B3GLCT: variants seen among roughly 807,000 people sequenced by gnomAD.
B3GLCT encodes beta 3-glucosyltransferase.
In B3GLCT, 65 loss-of-function variants were observed where a neutral mutation model predicts 63.4. The observed-to-expected ratio is 1.03, with a 90% CI of 0.84 to 1.26. The LOEUF (loss-of-function observed/expected upper bound fraction) is 1.26. B3GLCT is among the 50% of genes most tolerant of loss of function. B3GLCT has a pLI of 0.00. For missense variants in B3GLCT, 577 were observed against 604.8 expected, an observed-to-expected ratio of 0.95 and a Z score of 0.48; for synonymous variants, 233 against 219.2, an observed-to-expected ratio of 1.06 and a Z score of -0.55.
chr13:31,292,137 AC>A (rs1873692205), intron 12 of B3GLCT, among the ~76,000 whole-genome samples: 2 of 152,094 alleles, frequency 1.3e-5, no homozygotes, highest in Admixed American at 1.3e-4. Flanking sequence ...CATGTGTTGA[AC>A]CCGTCCTGCA....
chr13:31,319,255 T>G (rs1875208782), intron 13 of B3GLCT, among the ~76,000 whole-genome samples: 1 of 152,206 alleles, frequency 6.6e-6, no homozygotes, highest in South Asian at 2.1e-4. Flanking sequence ...CCCTGGGTAC[T>G]TCCCACCACC....
intron 6 of B3GLCT, among the ~76,000 whole-genome samples, chr13:31,255,339 A>G (rs929457169): frequency 1.3e-4 from 20 of 152,210 alleles, no homozygotes; most frequent in African/African-American, 4.8e-4. Context: ...ATGCTCATGG[A>G]TAGGAAGAAT....
intron 8 of B3GLCT, among the ~76,000 whole-genome samples, chr13:31,270,670 C>A (rs570573859): frequency 6.6e-6 from 1 of 152,208 alleles, no homozygotes; most frequent in African/African-American, 2.4e-5. Context: ...TCCGTCTCCC[C>A]ACACTAAACT....
At chr13:31,234,399 G>T (rs543952671) in intron 4 of B3GLCT, among the ~76,000 whole-genome samples, 1 of 152,190 alleles carries the variant, frequency 6.6e-6, no homozygotes, top group African/African-American at 2.4e-5. Flanking sequence ...CTACCATGGT[G>T]AAGTGGGGCA....
chr13:31,301,473 C>T (rs535874464), intron 12 of B3GLCT, among the ~76,000 whole-genome samples: 4 of 152,330 alleles, frequency 2.6e-5, no homozygotes, highest in African/African-American at 9.6e-5. Context: ...TCCCATAATG[C>T]AGTCAGGTAA....
intron 1 of B3GLCT, among the ~76,000 whole-genome samples, chr13:31,207,115 T>C (rs1869000039): frequency 6.6e-6 from 1 of 152,182 alleles, no homozygotes; most frequent in South Asian, 2.1e-4. Flanking sequence ...TGTATGTCTG[T>C]TTATCCATCT....
At chr13:31,223,358 CA>C (rs1869921108) in intron 3 of B3GLCT, among the ~76,000 whole-genome samples, 1 of 152,138 alleles carries the variant, frequency 6.6e-6, no homozygotes. Context: ...TGTGGGAGAA[CA>C]GAACAAGCTG....
At chr13:31,317,774 C>T (rs1046914989) in intron 13 of B3GLCT, 89 bp downstream of exon 13, 2 of 1,512,658 alleles carry the variant, frequency 1.3e-6, no homozygotes, top group Non-Finnish European at 1.8e-6. Flanking sequence ...GGGATCTATA[C>T]TGTACGTGAG....
intron 1 of B3GLCT, among the ~76,000 whole-genome samples, chr13:31,210,945 A>G (rs1450835509): frequency 6.6e-6 from 1 of 151,770 alleles, no homozygotes; most frequent in African/African-American, 2.4e-5. Context: ...TTTTGGAGAG[A>G]TGGGGTCCCA....
intron 4 of B3GLCT, among the ~76,000 whole-genome samples, chr13:31,241,846 G>T (rs910910944): frequency 2.6e-5 from 4 of 152,156 alleles, no homozygotes; most frequent in Admixed American, 1.3e-4. Flanking sequence ...CAGCTAAGAT[G>T]ATGAGTTCAT....
chr13:31,299,276 C>G (rs1351490974), intron 12 of B3GLCT, among the ~76,000 whole-genome samples: 2 of 152,208 alleles, frequency 1.3e-5, no homozygotes, highest in Non-Finnish European at 2.9e-5. Flanking sequence ...AACTATGACT[C>G]TGAGGAGACT....
chr13:31,278,777 G>C (rs1015939126), intron 10 of B3GLCT, among the ~76,000 whole-genome samples: 1 of 152,120 alleles, frequency 6.6e-6, no homozygotes, highest in African/African-American at 2.4e-5. Flanking sequence ...CACACTAACT[G>C]CTTCTAACTG....
At chr13:31,235,370 A>G (rs1870596030) in intron 4 of B3GLCT, among the ~76,000 whole-genome samples, 1 of 152,112 alleles carries the variant, frequency 6.6e-6, no homozygotes. Flanking sequence ...AGTGGCTAGA[A>G]GCTTGAAGGT....
At chr13:31,266,220 G>C (rs558881344) in intron 7 of B3GLCT, among the ~76,000 whole-genome samples, 2 of 151,914 alleles carry the variant, frequency 1.3e-5, no homozygotes, top group Non-Finnish European at 2.9e-5. Flanking sequence ...GGATGGCCTC[G>C]ATCTCCTGAC....
intron 7 of B3GLCT, among the ~76,000 whole-genome samples, chr13:31,265,566 A>G (rs1470518463): frequency 6.6e-6 from 1 of 152,174 alleles, no homozygotes; most frequent in Non-Finnish European, 1.5e-5. Flanking sequence ...CCAAAATTTT[A>G]TTTGGCCTAA....
chr13:31,232,570 T>C (rs1935234147), intron 4 of B3GLCT, among the ~76,000 whole-genome samples: 1 of 152,176 alleles, frequency 6.6e-6, no homozygotes, highest in East Asian at 1.9e-4. Context: ...ACTTCCAACA[T>C]TGGGGATTAC....
chr13:31,262,215 C>T (rs1044632652), intron 7 of B3GLCT, among the ~76,000 whole-genome samples: 1 of 151,410 alleles, frequency 6.6e-6, no homozygotes, highest in African/African-American at 2.4e-5. Flanking sequence ...TCTCAGCTTA[C>T]AGTCTGTTTA....
intron 7 of B3GLCT, 94 bp from the exon 8 acceptor site, chr13:31,269,120 A>T: frequency 5.9e-6 from 5 of 846,206 alleles, no homozygotes; most frequent in Non-Finnish European, 1.0e-5. Context: ...CTGTATGTTT[A>T]TCTGTTTTCA....
intron 13 of B3GLCT, among the ~76,000 whole-genome samples, chr13:31,317,899 GTA>G (rs1875136498): frequency 6.6e-6 from 1 of 151,580 alleles, no homozygotes; most frequent in South Asian, 2.1e-4. Context: ...ATATAAAAAA[GTA>G]TGTCATACTT....
Sources: gnomAD v4.1 joint callset for allele counts (sites outside exome capture counted in the v4.1 genomes callset) on GRCh38, gnomAD v4.1.1 for gene constraint, MANE v1.5 for transcripts, NCBI Gene and HGNC (gene_info 2026-07-23, HGNC 2026-07-21) for gene names.